Variants in STK11 observed in about 807,000 individuals in gnomAD.
The protein encoded by STK11 is serine/threonine kinase 11, also known as serine/threonine-protein kinase STK11.
STK11 carries 8 observed loss-of-function variants against 47.3 expected under a neutral mutation model. The observed-to-expected ratio is 0.17, with a 90% confidence interval of 0.10 to 0.31. STK11 has a LOEUF of 0.31. Ranked by LOEUF, STK11 falls within the 10% of genes least tolerant of loss-of-function variation. The pLI, the probability that STK11 is intolerant of heterozygous loss-of-function variation, is 1.00. For missense variants in STK11, 475 were observed against 605.0 expected, an observed-to-expected ratio of 0.79 and a Z score of 2.25; for synonymous variants, 330 against 255.8, an observed-to-expected ratio of 1.29 and a Z score of -2.77.
chr19:1,221,147 C>T (rs2145426439), intron 5 of STK11, 66 bp from the exon 6 acceptor site: 1 of 1,595,994 alleles, frequency 6.3e-7, no homozygotes. Flanking sequence ...TGGGGTAGAG[C>T]TGGGGCTCCT....
At position 1,226,571 on chromosome 19, in the gene STK11, G is replaced by A. The variant is rs587782364; in HGVS notation, c.1226G>A (p.Arg409Gln). 52 of 1,587,284 alleles carry A rather than the reference G, an allele frequency of 3.3e-5. No homozygotes were observed. Among genetic ancestry groups the A allele is most frequent in the African/African-American group, 4.0e-5 (3 of 74,264 alleles). The stretch of plus-strand genomic sequence containing the variant: ...AGCACCAAATCCAGGGCGGAGGGCC[G>A]GGCCCCCAACCCTGCCCGCAAGGCC... ...QLSTKSRAEG[R>Q]APNPARKACS... Residue 409 changes from arginine (R) to glutamine (Q), a missense_variant, in exon 9 of 10, where the codon CGG becomes CAG. Arg to Gln is a conservative substitution (Grantham distance 43). Coordinates refer to ENST00000326873, the MANE Select transcript of STK11 (RefSeq NM_000455.5).
chr19:1,227,897 G>C lies in STK11; in HGVS notation c.*321G>C. 9.3e-7 allele frequency: 1 copy of C among 1,069,886 alleles called. No homozygotes were observed. The highest frequency in any genetic ancestry group is 1.1e-6 in the Non-Finnish European group (1 of 882,070). 66.3% of individuals were successfully genotyped at this position (1,069,886 alleles called of 1,614,324 possible). A position where few individuals can be genotyped will look rare whatever the true frequency, so the allele number is the denominator to read the frequency against. The stretch of plus-strand genomic sequence containing the variant: ...GTGGAGACTACTGGCCCCGCCCGTG[G>C]CCTCGTGCTCCGCAGGGCGCCCAGC... On this transcript the variant is annotated 3_prime_UTR_variant, in exon 10 of 10. Coordinates refer to ENST00000326873, the MANE Select transcript of STK11 (RefSeq NM_000455.5).
In STK11 at chr19:1,223,170, C is replaced by T. The variant is rs1230130092; in HGVS notation, c.1106C>T (p.Pro369Leu). 6.2e-7 allele frequency: 1 copy of T among 1,610,622 alleles called. No individual in the cohort carries two copies. The change falls in exon 8 of 10, where the codon CCC becomes CTC. Residue 369 changes from proline to leucine, a missense_variant and splice_region_variant. Physicochemically the swap from Pro to Leu is moderately conservative, Grantham distance 98. Around this residue, in one of 5 missense-constraint regions of STK11, gnomAD observed 219 missense variants for 189.2 expected, o/e 1.16. Coordinates refer to ENST00000326873, the MANE Select transcript of STK11 (RefSeq NM_000455.5). ...DIIYTQDFTV[P>L]GQVPEEEASH... is the part of the protein sequence containing the mutation. ...ATCTACACTCAGGACTTCACGGTGC[C>T]CGGTGAGTCTGGCGGGGGCCCCTGC...
intron 3 of STK11, 40 bp from the exon 4 acceptor site, chr19:1,220,333 G>C: frequency 6.3e-7 from 1 of 1,579,508 alleles, no homozygotes; most frequent in Non-Finnish European, 8.6e-7. Flanking sequence ...GTGAGGGGCA[G>C]GGAGGCCTCG....
At chr19:1,226,704 C>T (rs1323845690) in intron 9 of STK11, 41 bp downstream of exon 9, 11 of 1,449,366 alleles carry the variant, frequency 7.6e-6, no homozygotes, top group East Asian at 2.5e-5. Flanking sequence ...GTGGGGACAA[C>T]GCCTGGATGC....
chr19:1,223,990 C>T (rs2080804112), intron 8 of STK11: 1 of 1,008,692 alleles, frequency 9.9e-7, no homozygotes, highest in Non-Finnish European at 1.2e-6. Context: ...GTACGCCAGG[C>T]AGGTTGGGAT....
rs11084890 is a variant in STK11 at position 1,219,703 on chromosome 19, G to A, written c.464+290G>A. Reference sequence around the variant, plus strand: ...TGGGATTACAGGCGCCCGCCACCACGCCCGGCTAATTTTTTGTATTTTTAG... The same window carrying A: ...TGGGATTACAGGCGCCCGCCACCACACCCGGCTAATTTTTTGTATTTTTAG... On this transcript the variant is annotated intron_variant, in intron 3 of 9. Transcript: ENST00000326873. Among the ~76,000 whole-genome samples the A allele has an allele frequency of 0.26, 39,044 of 151,786 alleles. 5,247 individuals carry two copies. The highest frequency in any genetic ancestry group is 0.52 in the East Asian group (2,689 of 5,134).
intron 9 of STK11, chr19:1,227,311 TC>T (rs1334437593): frequency 1.1e-5 from 2 of 185,488 alleles, no homozygotes; most frequent in Non-Finnish European, 2.3e-5. Context: ...ACAGCCCCTC[TC>T]CCAGGTTTTG....
At chr19:1,221,100 G>A in intron 5 of STK11, 113 bp from the exon 6 acceptor site, 1 of 1,462,520 alleles carries the variant, frequency 6.8e-7, no homozygotes, top group Admixed American at 2.0e-5. Context: ...GAGTCCACAG[G>A]GCCTCTGGTC....
intron 8 of STK11, chr19:1,225,804 G>T: frequency 1.0e-6 from 1 of 985,644 alleles, no homozygotes; most frequent in Non-Finnish European, 1.2e-6. Context: ...ACGGCTCCTC[G>T]CAGGGACAGT....
chr19:1,222,935 A>G (rs2145430400), intron 7 of STK11, 50 bp from the exon 8 acceptor site: 13 of 1,494,894 alleles, frequency 8.7e-6, no homozygotes, highest in Non-Finnish European at 1.1e-5. Context: ...GGAAAACTGG[A>G]CCGCCCTGGT....
intron 3 of STK11, among the ~76,000 whole-genome samples, 171 bp downstream of exon 3, chr19:1,219,584 C>T (rs1021833067): frequency 1.6e-4 from 25 of 151,918 alleles, no homozygotes; most frequent in Middle Eastern, 3.4e-3. Context: ...CTCACTCTGT[C>T]GCCCAGGCTG....
chr19:1,223,789 T>G, intron 8 of STK11: 1 of 1,034,636 alleles, frequency 9.7e-7, no homozygotes, highest in Non-Finnish European at 1.2e-6. Context: ...GCGGCCCACA[T>G]TGGCAGCCAG....
chr19:1,224,060 C>T (rs1457118325), intron 8 of STK11: 1 of 1,001,310 alleles, frequency 1.0e-6, no homozygotes, highest in Non-Finnish European at 1.2e-6. Context: ...TAGTGGGGGC[C>T]CTGCAGAGAG....
At chr19:1,219,152 G>A (rs1023157741) in intron 2 of STK11, among the ~76,000 whole-genome samples, 172 bp from the exon 3 acceptor site, 7 of 152,142 alleles carry the variant, frequency 4.6e-5, no homozygotes, top group Non-Finnish European at 8.8e-5. Flanking sequence ...CTCCTGGGAC[G>A]CTGGGGCCCC....
chr19:1,208,286 G>C (rs575178708), intron 1 of STK11, among the ~76,000 whole-genome samples: 5 of 151,610 alleles, frequency 3.3e-5, no homozygotes, highest in Admixed American at 2.6e-4. Context: ...TCCTGCTCAG[G>C]GGCCCTGGGG....
chr19:1,223,229 G>A (rs2145431687), intron 8 of STK11, 57 bp downstream of exon 8: 1 of 1,557,930 alleles, frequency 6.4e-7, no homozygotes, highest in South Asian at 1.2e-5. Flanking sequence ...ATGTCCCACG[G>A]GAGCAGGGTG....
Position 1,227,699 on chromosome 19 carries a change from G to A in STK11, c.*123G>A, listed in dbSNP as rs758534056. The A allele has an allele frequency of 4.4e-5, 47 of 1,069,536 alleles. 1 individual carries two copies. In the South Asian group the frequency reaches 1.9e-3, roughly 42 times the overall value. 66.3% of individuals were successfully genotyped at this position (1,069,536 alleles called of 1,614,324 possible). A position where few individuals can be genotyped will look rare whatever the true frequency, so the allele number is the denominator to read the frequency against. ...GCCGCCATGCTTCTGTGCCGACCAC[G>A]CCCCAGGACCTCCGGAGCGCCCTGC... On this transcript the variant is annotated 3_prime_UTR_variant, in exon 10 of 10. Coordinates refer to ENST00000326873, the MANE Select transcript of STK11 (RefSeq NM_000455.5).
Position 1,223,062 on chromosome 19 carries a change from G to T in STK11, c.998G>T (p.Arg333Leu). ...PPSPDTKDRW[R>L]SMTVVPYLED... ...AGCCCAGACACCAAGGACCGGTGGC[G>T]CAGCATGACTGTGGTGCCGTACTTG... The change falls in exon 8 of 10, where the codon CGC becomes CTC. Residue 333 changes from arginine (R) to leucine (L), a missense_variant. Transcript: ENST00000326873. 6.2e-7 allele frequency: 1 copy of T among 1,605,534 alleles called. No homozygotes were observed. The highest frequency in any genetic ancestry group is 8.5e-7 in the Non-Finnish European group (1 of 1,176,716).
Sources: allele counts gnomAD v4.1 joint callset (sites outside exome capture counted in the v4.1 genomes callset), GRCh38; gene constraint gnomAD v4.1.1; regional missense constraint gnomAD v4.1.1; transcripts MANE v1.5; gene names NCBI Gene and HGNC (gene_info 2026-07-23, HGNC 2026-07-21).